Variants in SPOCK2 observed in about 807,000 individuals in gnomAD.
The protein encoded by SPOCK2 is testican-2.
A neutral mutation model predicts 60.1 loss-of-function variants in SPOCK2; 39 were observed. The observed-to-expected ratio is 0.65, with a 90% CI of 0.50 to 0.85. SPOCK2 has a LOEUF of 0.85. Ranked by LOEUF, SPOCK2 falls within the 40% of genes least tolerant of loss-of-function variation. The pLI, the probability that SPOCK2 is intolerant of heterozygous loss-of-function variation, is 0.00. For missense variants in SPOCK2, 523 were observed against 567.4 expected (o/e 0.92, Z 0.80); for synonymous variants, 217 against 231.5 (o/e 0.94, Z 0.57).
chr10:72,062,662 T>G lies in SPOCK2; in HGVS notation c.*98A>C. On this transcript the variant is annotated 3_prime_UTR_variant, in exon 11 of 11. Transcript: ENST00000373109. This position sits in a 1 kb window ranked among gnomAD's most constrained non-coding sequence, Gnocchi z 4.3. ...CCCAGTCCCCCCAGGTGGAGCAGGGTCCTTCTGACTGCATTTCTGGATCCG... is the reference window on the plus strand; with the variant it reads ...CCCAGTCCCCCCAGGTGGAGCAGGGGCCTTCTGACTGCATTTCTGGATCCG... 6.6e-7 allele frequency: 1 copy of G among 1,515,810 alleles called. No individual in the cohort carries two copies. Among genetic ancestry groups the G allele is most frequent in the Non-Finnish European group, 8.8e-7 (1 of 1,140,752 alleles). 93.9% of individuals were successfully genotyped at this position (1,515,810 alleles called of 1,614,324 possible). A position where few individuals can be genotyped will look rare whatever the true frequency, so the allele number is the denominator to read the frequency against.
intron 6 of SPOCK2, 107 bp from the exon 7 acceptor site, chr10:72,067,839 G>C: frequency 6.7e-7 from 1 of 1,493,598 alleles, no homozygotes; most frequent in Non-Finnish European, 9.0e-7. Context: ...CAGGGGTCCG[G>C]GAGGCAGCAG....
chr10:72,080,612 G>A (rs959352340), intron 1 of SPOCK2, among the ~76,000 whole-genome samples: 6 of 151,968 alleles, frequency 3.9e-5, no homozygotes, highest in East Asian at 1.9e-4. Flanking sequence ...GGGGGTGGGG[G>A]TGGCTGGGAA....
At chr10:72,086,395 G>T in intron 1 of SPOCK2, 3 of 998,034 alleles carry the variant, frequency 3.0e-6, no homozygotes, top group Non-Finnish European at 3.6e-6. Flanking sequence ...AGGTGGGGAG[G>T]AATCTTTTAT....
At chr10:72,065,548 C>T (rs768195066) in intron 8 of SPOCK2, among the ~76,000 whole-genome samples, 4 of 152,248 alleles carry the variant, frequency 2.6e-5, no homozygotes, top group Non-Finnish European at 4.4e-5. Context: ...GTATCCCCCT[C>T]GTCAAGTGAC....
intron 7 of SPOCK2, among the ~76,000 whole-genome samples, chr10:72,067,393 C>T (rs539988222): frequency 2.0e-5 from 3 of 152,318 alleles, no homozygotes; most frequent in African/African-American, 7.2e-5. Flanking sequence ...AGGGTTTAAG[C>T]TCCCTCCACC....
At position 72,080,091 on chromosome 10, in the gene SPOCK2, G is replaced by T. The variant is rs138069423; in HGVS notation, c.190-7181C>A. Among the ~76,000 whole-genome samples, 5 of 152,226 alleles carry T rather than the reference G, an allele frequency of 3.3e-5. 1 individual carries two copies. Among genetic ancestry groups the T allele is most frequent in the African/African-American group, 1.2e-4 (5 of 41,542 alleles). ...ACACACCCGGGGAGCCTAGGGACAG[G>T]ACTGGGCAGAGGTTCTGTAGGGTCT... On this transcript the variant is annotated intron_variant, in intron 1 of 10. Transcript: ENST00000373109.
At position 72,059,211 on chromosome 10, in the gene SPOCK2, G is replaced by C. The variant is rs1167421771; in HGVS notation, c.*3549C>G. The C allele has an allele frequency of 6.5e-6, 1 of 152,768 alleles. No individual in the cohort carries two copies. The highest frequency in any genetic ancestry group is 6.5e-5 in the Admixed American group (1 of 15,276). The allele number at this position is 152,768 out of a possible 1,614,324, so 9.5% of individuals were successfully genotyped here. A position where few individuals can be genotyped will look rare whatever the true frequency, so the allele number is the denominator to read the frequency against. ...TGAGAGGATGGGGGCGCAGGGGAAA[G>C]GCAGGGCTGGATGACTCACGGGACT... On this transcript the variant is annotated 3_prime_UTR_variant, in exon 11 of 11. Coordinates refer to ENST00000373109, the MANE Select transcript of SPOCK2 (RefSeq NM_001244950.2).
chr10:72,063,506 C>T (rs933005349), intron 9 of SPOCK2, among the ~76,000 whole-genome samples: 1 of 152,244 alleles, frequency 6.6e-6, no homozygotes, highest in African/African-American at 2.4e-5. Context: ...CATCCTCCCA[C>T]AGTTCCGCCG....
intron 1 of SPOCK2, chr10:72,086,394 G>A (rs1840855052): frequency 3.0e-6 from 3 of 997,328 alleles, no homozygotes; most frequent in Non-Finnish European, 3.6e-6. Context: ...GAGGTGGGGA[G>A]GAATCTTTTA....
chr10:72,072,292 T>C (rs1040116395), intron 3 of SPOCK2, 34 bp from the exon 4 acceptor site: 20 of 1,488,658 alleles, frequency 1.3e-5, no homozygotes, highest in Non-Finnish European at 1.8e-5. Flanking sequence ...ACAGGTCACC[T>C]GGGAGAACCC....
At chr10:72,086,771 T>A in intron 1 of SPOCK2, 1 of 1,474,858 alleles carries the variant, frequency 6.8e-7, no homozygotes, top group Non-Finnish European at 9.0e-7. Flanking sequence ...CCTCTGTGAA[T>A]TACAACCTGC....
chr10:72,066,194 G>A (rs7902637), intron 8 of SPOCK2, among the ~76,000 whole-genome samples: 22,888 of 151,894 alleles, frequency 0.15, 4,697 homozygotes, highest in African/African-American at 0.46. Flanking sequence ...CTTATTGGTG[G>A]CACAAAATTT....
In SPOCK2 at chr10:72,086,610, G is replaced by T. The variant is rs372161620; in HGVS notation, c.189+1530C>A. ...CGGCAGGAGACTGCGGCTCATCTGC[G>T]CTGGGCCTGCAGGTGCTTCGGGAAG... On this transcript the variant is annotated intron_variant, in intron 1 of 10. Coordinates refer to ENST00000373109, the MANE Select transcript of SPOCK2 (RefSeq NM_001244950.2). 151 of 1,194,380 alleles carry T rather than the reference G, an allele frequency of 1.3e-4. No individual in the cohort carries two copies. In the African/African-American group the frequency reaches 2.4e-3, roughly 19 times the overall value. The allele number at this position is 1,194,380 out of a possible 1,614,324, so 74.0% of individuals were successfully genotyped here.
chr10:72,081,668 C>T (rs1046302256), intron 1 of SPOCK2, among the ~76,000 whole-genome samples: 1 of 152,344 alleles, frequency 6.6e-6, no homozygotes, highest in African/African-American at 2.4e-5. Flanking sequence ...CAGGGAGACG[C>T]GGGGACAGTC....
At chr10:72,076,687 G>C (rs1158048311) in intron 1 of SPOCK2, among the ~76,000 whole-genome samples, 1 of 152,212 alleles carries the variant, frequency 6.6e-6, no homozygotes, top group Non-Finnish European at 1.5e-5. Flanking sequence ...CTACAGTGCT[G>C]AGATTATAGG....
At position 72,062,991 on chromosome 10, in the gene SPOCK2, GC is replaced by G; in HGVS notation, c.1129+33del. 3 of 1,568,670 alleles carry G rather than the reference GC, an allele frequency of 1.9e-6. No homozygotes were observed. Among genetic ancestry groups the G allele is most frequent in the Non-Finnish European group, 2.6e-6 (3 of 1,158,198 alleles). On this transcript the variant is annotated intron_variant, in intron 10 of 10. Transcript: ENST00000373109. This position sits in a 1 kb window ranked among gnomAD's most constrained non-coding sequence, Gnocchi z 4.3. ...CCACGACAAGGGCCCCCAGGCCTGG[GC>G]CCCCAGCAGGCCCTGAGCTGCCCAG... is the stretch of plus-strand genomic sequence containing the variant.
In SPOCK2 at chr10:72,087,409, G is replaced by T. The variant is rs146542908; in HGVS notation, c.189+731C>A. Among the ~76,000 whole-genome samples, 1 of 152,140 alleles carries T rather than the reference G, an allele frequency of 6.6e-6. No homozygotes were observed. The highest frequency in any genetic ancestry group is 2.4e-5 in the African/African-American group (1 of 41,452). On this transcript the variant is annotated intron_variant, in intron 1 of 10. Coordinates refer to ENST00000373109, the MANE Select transcript of SPOCK2 (RefSeq NM_001244950.2). This position sits in a 1 kb window ranked among gnomAD's most constrained non-coding sequence, Gnocchi z 4.7. ...CCCGGCTTCTCAAGCCCACCGGGCCGGGAGCCTTCCTCTGGCTCCGAGCTG... is the reference window on the plus strand; with the variant it reads ...CCCGGCTTCTCAAGCCCACCGGGCCTGGAGCCTTCCTCTGGCTCCGAGCTG...
At chr10:72,080,157 C>T (rs1460812975) in intron 1 of SPOCK2, among the ~76,000 whole-genome samples, 1 of 152,138 alleles carries the variant, frequency 6.6e-6, no homozygotes, top group African/African-American at 2.4e-5. Context: ...CTGACATTGT[C>T]TCCACTTGAG....
rs1333457091 is a variant in SPOCK2 at position 72,088,508 on chromosome 10, G to A, written c.-180C>T. 3.0e-6 allele frequency: 2 copies of A among 673,998 alleles called. No individual in the cohort carries two copies. The highest frequency in any genetic ancestry group is 4.8e-6 in the Non-Finnish European group (2 of 417,644). 41.8% of individuals were successfully genotyped at this position (673,998 alleles called of 1,614,324 possible). On this transcript the variant is annotated 5_prime_UTR_variant, in exon 1 of 11. Transcript: ENST00000373109. ...TGTGACCTGGTTAGGAGATGCACTT[G>A]TCTGAAAAAGCCCAGCACTGGACGC...
Sources: allele counts gnomAD v4.1 joint callset (sites outside exome capture counted in the v4.1 genomes callset), GRCh38; gene constraint gnomAD v4.1.1; non-coding constraint Gnocchi (gnomAD v3.1); transcripts MANE v1.5; gene names NCBI Gene and HGNC (gene_info 2026-07-23, HGNC 2026-07-21).